The following DNAAF8 variants were observed in gnomAD, a reference collection of about 807,000 sequenced individuals.
DNAAF8 encodes the protein dynein axonemal assembly factor 8, also known as dynein axonemal-associated protein 1.
DNAAF8 carries 61 observed loss-of-function variants against 54.6 expected under a neutral mutation model. The observed-to-expected ratio is 1.12, with a 90% CI of 0.91 to 1.38. The LOEUF is 1.38. DNAAF8 is among the 40% of genes most tolerant of loss of function. The pLI is 0.00. For synonymous variants in DNAAF8, 320 were observed against 270.1 expected, an observed-to-expected ratio of 1.18 and a Z score of -1.81; for missense variants, 837 against 665.0, an observed-to-expected ratio of 1.26 and a Z score of -2.85.
In DNAAF8 at chr16:4,740,187, C is replaced by G; in HGVS notation, c.311C>G (p.Pro104Arg). The G allele has an allele frequency of 6.2e-7, 1 of 1,613,016 alleles. No homozygotes were observed. The highest frequency in any genetic ancestry group is 8.5e-7 in the Non-Finnish European group (1 of 1,179,334). ...GTGCCTGCAGAATTGGCCACAGAAC[C>G]TGGGTGCAGACAGAACACAAGGACA... ...VLVPAELATEPGCRQNTRTKD... is the reference protein window; with the variant it reads ...VLVPAELATERGCRQNTRTKD... The change falls in exon 4 of 10, where the codon CCT becomes CGT. Residue 104 changes from proline to arginine, a missense_variant. By Grantham distance (103) the Pro-to-Arg change is moderately radical. Coordinates refer to ENST00000299320, the MANE Select transcript of DNAAF8 (RefSeq NM_139170.3).
In DNAAF8 at chr16:4,744,322, G is replaced by C. The variant is rs139869918; in HGVS notation, c.902-548G>C. On this transcript the variant is annotated intron_variant, in intron 5 of 9. Coordinates refer to ENST00000299320, the MANE Select transcript of DNAAF8 (RefSeq NM_139170.3). The stretch of plus-strand genomic sequence containing the variant: ...TTACACTCTGACTCTAGTAGGTAAA[G>C]ATGTGTGTTCAGAGCTGTTTGCTGC... Among the ~76,000 whole-genome samples the C allele has an allele frequency of 1.9e-3, 286 of 152,280 alleles. 1 individual carries two copies. Among genetic ancestry groups the C allele is most frequent in the African/African-American group, 6.4e-3 (267 of 41,566 alleles).
In DNAAF8 at chr16:4,746,927, C is replaced by T. The variant is rs986347706; in HGVS notation, c.1182C>T (p.Ser394=). 1.9e-6 allele frequency: 3 copies of T among 1,555,636 alleles called. No individual in the cohort carries two copies. Among genetic ancestry groups the T allele is most frequent in the Non-Finnish European group, 1.7e-6 (2 of 1,153,476 alleles). The part of the protein sequence containing the change: ...MELPDHLSPE[S]SSHSSSDSEE... ...CAGAAACCCATTTCTCTCCCTGCAG[C>T]TCCAGCCACAGCTCCTCTGACAGTG... Residue 394 remains serine (S), a splice_region_variant and synonymous_variant, in exon 8 of 10, where the codon AGC becomes AGT. Coordinates refer to ENST00000299320, the MANE Select transcript of DNAAF8 (RefSeq NM_139170.3).
chr16:4,736,600 C>G lies in DNAAF8; in HGVS notation c.86C>G (p.Ala29Gly). 1.3e-6 allele frequency: 2 copies of G among 1,589,510 alleles called. No individual in the cohort carries two copies. The highest frequency in any genetic ancestry group is 1.7e-6 in the Non-Finnish European group (2 of 1,165,806). ...QMGPWDAILK[A>G]VKDQLPSLDS... ...GGGCCCTGGGATGCCATCCTCAAGG[C>G]TGTCAAAGACCAGCTCCCGTCTCTG... Residue 29 changes from alanine to glycine, a missense_variant, in exon 2 of 10, where the codon GCT (alanine) becomes GGT (glycine). Coordinates refer to ENST00000299320, the MANE Select transcript of DNAAF8 (RefSeq NM_139170.3).
chr16:4,736,171 A>G (rs11649458), intron 1 of DNAAF8, among the ~76,000 whole-genome samples: 4,469 of 152,208 alleles, frequency 0.029, 73 homozygotes, highest in African/African-American at 0.036. Context: ...TAACATGTAC[A>G]TATATCTACA....
In DNAAF8 at chr16:4,746,917, C is replaced by T. The variant is rs1388385427; in HGVS notation, c.1182-10C>T. 23 of 1,541,440 alleles carry T rather than the reference C, an allele frequency of 1.5e-5. No individual in the cohort carries two copies. Among genetic ancestry groups the T allele is most frequent in the Non-Finnish European group, 1.9e-5 (22 of 1,145,940 alleles). ...TGGGCACATCCAGAAACCCATTTCT[C>T]TCCCTGCAGCTCCAGCCACAGCTCC... On this transcript the variant is annotated splice_polypyrimidine_tract_variant and intron_variant, in intron 7 of 9. Transcript: ENST00000299320.
Position 4,736,598 on chromosome 16 carries a change from G to T in DNAAF8, c.84G>T (p.Lys28Asn). 6.3e-7 allele frequency: 1 copy of T among 1,589,334 alleles called. No individual in the cohort carries two copies. ...SQMGPWDAIL[K>N]AVKDQLPSLD... ...TGGGGCCCTGGGATGCCATCCTCAAGGCTGTCAAAGACCAGCTCCCGTCTC... is the reference window on the plus strand; with the variant it reads ...TGGGGCCCTGGGATGCCATCCTCAATGCTGTCAAAGACCAGCTCCCGTCTC... Residue 28 changes from lysine to asparagine, a missense_variant, in exon 2 of 10, where the codon AAG (lysine) becomes AAT (asparagine). Physicochemically the swap from Lys to Asn is moderately conservative, Grantham distance 94 (BLOSUM62 0). Coordinates refer to ENST00000299320, the MANE Select transcript of DNAAF8 (RefSeq NM_139170.3).
intron 8 of DNAAF8, 59 bp from the exon 9 acceptor site, chr16:4,747,284 G>C: frequency 6.7e-7 from 1 of 1,498,702 alleles, no homozygotes. Context: ...TTTCAGTAAG[G>C]AGGGCTGGGA....
Position 4,747,430 on chromosome 16 carries a change from GC to G in DNAAF8, c.1371del (p.Ala458ArgfsTer22), listed in dbSNP as rs2082032298. 6.2e-7 allele frequency: 1 copy of G among 1,612,926 alleles called. No homozygotes were observed. Among genetic ancestry groups the G allele is most frequent in the African/African-American group, 1.3e-5 (1 of 74,952 alleles). ...AQPELPASKG[P>X]AGGRAQAPED... is the part of the protein sequence containing the mutation. ...AGCCCGAGCTGCCTGCCAGCAAGGG[GC>G]CCGCGGGTGGGAGGGCTCAGGCCCC... On this transcript the variant is annotated frameshift_variant, in exon 9 of 10. Coordinates refer to ENST00000299320, the MANE Select transcript of DNAAF8 (RefSeq NM_139170.3). LOFTEE classifies it high-confidence loss of function.
chr16:4,747,001 C>A lies in DNAAF8; in HGVS notation c.1256C>A (p.Ala419Glu). Residue 419 changes from alanine (A) to glutamate (E), a missense_variant, in exon 8 of 10, where the codon GCA becomes GAA. Transcript: ENST00000299320. ...GCAGCTCTGGGAGACGCAGAGGGGG[C>A]ATCTCCTTCCTCCCTGGGGCTACGG... ...EMAALGDAEG[A>E]SPSSLGLRTC... 1 of 1,537,736 alleles carries A rather than the reference C, an allele frequency of 6.5e-7. No individual in the cohort carries two copies.
intron 2 of DNAAF8, among the ~76,000 whole-genome samples, chr16:4,737,327 C>T (rs756403658): frequency 5.9e-5 from 9 of 152,178 alleles, no homozygotes; most frequent in African/African-American, 1.4e-4. Flanking sequence ...GGGGACCCCA[C>T]GCCTCAGTGC....
At chr16:4,737,418 T>C (rs369870232) in intron 2 of DNAAF8, among the ~76,000 whole-genome samples, 2 of 152,176 alleles carry the variant, frequency 1.3e-5, no homozygotes, top group South Asian at 2.1e-4. Context: ...GCTGTGTAAG[T>C]GATGGCTCAG....
chr16:4,745,069 G>T (rs1459424785), intron 6 of DNAAF8, 58 bp downstream of exon 6: 23 of 1,574,200 alleles, frequency 1.5e-5, no homozygotes, highest in Non-Finnish European at 2.0e-5. Flanking sequence ...CCATGGTTTT[G>T]TAGCACTGAC....
chr16:4,742,675 G>A (rs945846658), intron 4 of DNAAF8, among the ~76,000 whole-genome samples: 11 of 152,010 alleles, frequency 7.2e-5, no homozygotes, highest in Admixed American at 2.0e-4. Context: ...AGCTGAGCTC[G>A]CACCACTACA....
At chr16:4,739,370 G>C (rs765445993) in intron 3 of DNAAF8, among the ~76,000 whole-genome samples, 2 of 146,400 alleles carry the variant, frequency 1.4e-5, no homozygotes, top group Non-Finnish European at 3.0e-5. Flanking sequence ...GAGGTGGAAG[G>C]ATGACTTGTA....
At chr16:4,741,638 A>C (rs145331282) in intron 4 of DNAAF8, among the ~76,000 whole-genome samples, 1 of 152,262 alleles carries the variant, frequency 6.6e-6, no homozygotes, top group Non-Finnish European at 1.5e-5. Flanking sequence ...TGACTCTATT[A>C]ACAATACAAA....
chr16:4,738,749 G>T lies in DNAAF8; in HGVS notation c.276+803G>T, dbSNP rs1253248256. Among the ~76,000 whole-genome samples the T allele has an allele frequency of 2.0e-5, 3 of 152,268 alleles. No individual in the cohort carries two copies. In the East Asian group the frequency reaches 5.8e-4, roughly 29 times the overall value. On this transcript the variant is annotated intron_variant, in intron 3 of 9. Transcript: ENST00000299320. ...AATAAAAAAATTAGCTGGGCATGGT[G>T]GCAGGTGCCTGTAATCGCAGCTACT...
In DNAAF8 at chr16:4,740,656, C is replaced by G. The variant is rs1943348895; in HGVS notation, c.780C>G (p.Leu260=). The change falls in exon 4 of 10, where the codon CTC becomes CTG. Residue 260 remains leucine, a synonymous_variant. Transcript: ENST00000299320. ...CGGAGGGACCACCAGTGCTCTCGCT[C>G]CAGGTAGGCGCCTCCCCGTGCCTGG... The part of the protein sequence containing the change: ...EPPEGPPVLS[L]QQLEAWDLDD... 4 of 1,591,564 alleles carry G rather than the reference C, an allele frequency of 2.5e-6. No individual in the cohort carries two copies. Among genetic ancestry groups the G allele is most frequent in the Non-Finnish European group, 3.4e-6 (4 of 1,172,108 alleles).
In DNAAF8 at chr16:4,740,585, G is replaced by C; in HGVS notation, c.709G>C (p.Ala237Pro). The change falls in exon 4 of 10, where the codon GCT becomes CCT. Residue 237 changes from alanine (A) to proline (P), a missense_variant. Ala to Pro is a conservative substitution (Grantham distance 27). Transcript: ENST00000299320. ...KGGVKEAPCH[A>P]AESAPRSKMP... Reference sequence around the variant, plus strand: ...TGGGGTGAAGGAGGCGCCCTGCCACGCTGCGGAGTCAGCTCCCAGATCCAA... The same window carrying C: ...TGGGGTGAAGGAGGCGCCCTGCCACCCTGCGGAGTCAGCTCCCAGATCCAA... The C allele has an allele frequency of 6.2e-7, 1 of 1,613,414 alleles. No homozygotes were observed. Among genetic ancestry groups the C allele is most frequent in the Non-Finnish European group, 8.5e-7 (1 of 1,179,984 alleles).
At chr16:4,745,945 T>G (rs1406105081) in intron 6 of DNAAF8, among the ~76,000 whole-genome samples, 1 of 125,318 alleles carries the variant, frequency 8.0e-6, no homozygotes, top group Non-Finnish European at 1.7e-5. Context: ...AGAGCAAGAC[T>G]CTGTCTCAAA....
Sources: gnomAD v4.1 joint callset for allele counts (sites outside exome capture counted in the v4.1 genomes callset) on GRCh38, gnomAD v4.1.1 for gene constraint, MANE v1.5 for transcripts, NCBI Gene and HGNC (gene_info 2026-07-23, HGNC 2026-07-21) for gene names.